The following ADGRA3 variants were observed in gnomAD, a reference collection of about 807,000 sequenced individuals.
The protein encoded by ADGRA3 is G-protein coupled receptor 125.
Under a neutral mutation model 119.8 loss-of-function variants are expected in ADGRA3, and 56 were observed. The observed-to-expected ratio is 0.47, with a 90% CI of 0.38 to 0.58. The LOEUF (loss-of-function observed/expected upper bound fraction) is 0.58. Ranked by LOEUF, ADGRA3 falls within the 20% of genes least tolerant of loss-of-function variation. ADGRA3 has a pLI of 0.00. For synonymous variants in ADGRA3, 607 were observed against 623.8 expected (o/e 0.97, Z 0.40); for missense variants, 1,516 against 1,649.0 (o/e 0.92, Z 1.40).
intron 1 of ADGRA3, among the ~76,000 whole-genome samples, chr4:22,487,804 A>T (rs1215662259): frequency 2.6e-5 from 4 of 152,196 alleles, no homozygotes; most frequent in Admixed American, 2.6e-4. Flanking sequence ...TGTGTTGTTA[A>T]ATATTTCTCC....
At chr4:22,476,335 T>G (rs1718043426) in intron 1 of ADGRA3, among the ~76,000 whole-genome samples, 1 of 152,106 alleles carries the variant, frequency 6.6e-6, no homozygotes, top group Non-Finnish European at 1.5e-5. Flanking sequence ...AAAAGGTATT[T>G]CCAGCGACTT....
intron 3 of ADGRA3, 50 bp downstream of exon 3, chr4:22,461,687 T>C (rs1234433668): frequency 1.6e-6 from 2 of 1,254,432 alleles, no homozygotes; most frequent in Non-Finnish European, 1.1e-6. Context: ...TTGACAGCTA[T>C]TTATATAAGC....
chr4:22,498,331 T>C (rs1340324552), intron 1 of ADGRA3, among the ~76,000 whole-genome samples: 1 of 150,472 alleles, frequency 6.6e-6, no homozygotes, highest in African/African-American at 2.5e-5. Flanking sequence ...GAAAACCAGT[T>C]AACATGGCCG....
At chr4:22,445,183 G>A (rs1177281679) in intron 5 of ADGRA3, 50 bp from the exon 6 acceptor site, 5 of 1,555,792 alleles carry the variant, frequency 3.2e-6, no homozygotes, top group Non-Finnish European at 4.4e-6. Flanking sequence ...AAATTAAATA[G>A]CACTTTTGTT....
chr4:22,388,975 G>A (rs200224996), intron 18 of ADGRA3, 28 bp from the exon 19 acceptor site: 12 of 1,607,504 alleles, frequency 7.5e-6, no homozygotes, highest in East Asian at 2.2e-5. Flanking sequence ...AAACCAGATC[G>A]ATGCTACATG....
At chr4:22,418,252 C>T (rs1239380326) in intron 12 of ADGRA3, among the ~76,000 whole-genome samples, 2 of 152,128 alleles carry the variant, frequency 1.3e-5, no homozygotes, top group Non-Finnish European at 2.9e-5. Flanking sequence ...CTGGTGATTC[C>T]AGCACTAGGC....
intron 2 of ADGRA3, among the ~76,000 whole-genome samples, chr4:22,467,420 T>C (rs997330764): frequency 1.3e-5 from 2 of 152,224 alleles, no homozygotes; most frequent in Admixed American, 1.3e-4. Context: ...TGTATGTTTT[T>C]GACTTGTTTT....
intron 12 of ADGRA3, among the ~76,000 whole-genome samples, chr4:22,417,004 A>T (rs1291377441): frequency 2.0e-5 from 3 of 152,190 alleles, no homozygotes; most frequent in Non-Finnish European, 2.9e-5. Context: ...CTAACATGAA[A>T]ATCAGAATGA....
At chr4:22,471,022 T>G (rs1577368329) in intron 2 of ADGRA3, among the ~76,000 whole-genome samples, 1 of 152,134 alleles carries the variant, frequency 6.6e-6, no homozygotes, top group African/African-American at 2.4e-5. Context: ...TCCACCCCAG[T>G]ACCGGAGCCA....
chr4:22,412,073 A>AAT (rs1437329890), intron 14 of ADGRA3, among the ~76,000 whole-genome samples: 1 of 152,142 alleles, frequency 6.6e-6, no homozygotes, highest in East Asian at 1.9e-4. Flanking sequence ...TGAAATGTAA[A>AAT]ATATATCATG....
chr4:22,494,423 G>A (rs1577381954), intron 1 of ADGRA3, among the ~76,000 whole-genome samples: 1 of 151,880 alleles, frequency 6.6e-6, no homozygotes, highest in African/African-American at 2.4e-5. Flanking sequence ...TGTCTATGGA[G>A]TAGCCATTCT....
At chr4:22,447,968 A>C (rs1445691180) in intron 4 of ADGRA3, among the ~76,000 whole-genome samples, 1 of 152,204 alleles carries the variant, frequency 6.6e-6, no homozygotes, top group Non-Finnish European at 1.5e-5. Flanking sequence ...ATGACTGAAA[A>C]TATGAGGGGA....
intron 14 of ADGRA3, among the ~76,000 whole-genome samples, chr4:22,405,559 A>T (rs1270036261): frequency 1.3e-5 from 2 of 151,550 alleles, no homozygotes; most frequent in Non-Finnish European, 2.9e-5. Flanking sequence ...AAAAAAAAAA[A>T]AAAATTAAAT....
Position 22,515,903 on chromosome 4 carries a change from G to A in ADGRA3, c.-119C>T. Reference sequence around the variant, plus strand: ...CGGCGACCGGAGCCTTATGGCGGCCGGAGGACGGGCCTTCCCCGGCGCGGA... The same window carrying A: ...CGGCGACCGGAGCCTTATGGCGGCCAGAGGACGGGCCTTCCCCGGCGCGGA... On this transcript the variant is annotated 5_prime_UTR_variant, in exon 1 of 19. Coordinates refer to ENST00000334304, the MANE Select transcript of ADGRA3 (RefSeq NM_145290.4). The A allele has an allele frequency of 3.2e-6, 2 of 630,468 alleles. No homozygotes were observed. The highest frequency in any genetic ancestry group is 3.9e-6 in the Non-Finnish European group (2 of 506,730). 39.1% of individuals were successfully genotyped at this position (630,468 alleles called of 1,614,324 possible).
intron 10 of ADGRA3, among the ~76,000 whole-genome samples, chr4:22,434,202 A>G (rs1367040721): frequency 6.9e-6 from 1 of 145,442 alleles, no homozygotes; most frequent in Non-Finnish European, 1.5e-5. Flanking sequence ...TATATATTAT[A>G]TAATATATTA....
At chr4:22,434,122 T>C (rs138270145) in intron 10 of ADGRA3, among the ~76,000 whole-genome samples, 11 of 148,462 alleles carry the variant, frequency 7.4e-5, no homozygotes, top group African/African-American at 2.7e-4. Context: ...AATTCTTATA[T>C]ATATATTATA....
At chr4:22,510,009 C>CAAAA (rs545010218) in intron 1 of ADGRA3, among the ~76,000 whole-genome samples, 1 of 98,880 alleles carries the variant, frequency 1.0e-5, no homozygotes, top group African/African-American at 4.1e-5. Context: ...GACTCCGTCT[C>CAAAA]AAAAAAAAAA....
chr4:22,515,156 G>A (rs1469116348), intron 1 of ADGRA3, among the ~76,000 whole-genome samples: 1 of 152,230 alleles, frequency 6.6e-6, no homozygotes, highest in African/African-American at 2.4e-5. Context: ...TTGCAATCAA[G>A]CATTGTGTTT....
chr4:22,472,305 AG>A (rs1717884378), intron 2 of ADGRA3, among the ~76,000 whole-genome samples: 1 of 152,158 alleles, frequency 6.6e-6, no homozygotes, highest in Admixed American at 6.5e-5. Context: ...TTGCTTCGAC[AG>A]GTCCTCCCAG....
Sources: allele counts gnomAD v4.1 joint callset (sites outside exome capture counted in the v4.1 genomes callset), GRCh38; gene constraint gnomAD v4.1.1; transcripts MANE v1.5; gene names NCBI Gene and HGNC (gene_info 2026-07-23, HGNC 2026-07-21).